TRAF3IP1: variants seen among roughly 807,000 people sequenced by gnomAD.
TRAF3IP1 encodes the protein TRAF3-interacting protein 1.
Under a neutral mutation model 89.9 loss-of-function variants are expected in TRAF3IP1, and 53 were observed. The ratio of observed to expected loss-of-function variants is 0.59; its 90% CI spans 0.47 to 0.74. TRAF3IP1 has a LOEUF of 0.74. Among genes scored for constraint, TRAF3IP1 ranks in the 30% least tolerant of loss-of-function variants. The pLI is 0.00. For missense variants in TRAF3IP1, 806 were observed against 866.1 expected, an observed-to-expected ratio of 0.93 and a Z score of 0.87; for synonymous variants, 311 against 322.1, an observed-to-expected ratio of 0.97 and a Z score of 0.37.
At chr2:238,376,764 T>C (rs565159512) in intron 15 of TRAF3IP1, among the ~76,000 whole-genome samples, 1 of 152,378 alleles carries the variant, frequency 6.6e-6, no homozygotes, top group South Asian at 2.1e-4. Flanking sequence ...ATAGTAATGC[T>C]GTTGACTTAT....
intron 15 of TRAF3IP1, among the ~76,000 whole-genome samples, chr2:238,383,900 T>C (rs1444088424): frequency 6.6e-6 from 1 of 152,244 alleles, no homozygotes; most frequent in African/African-American, 2.4e-5. Flanking sequence ...GTTGTTGATA[T>C]AGGGAGGCTT....
At chr2:238,332,948 ATAG>A in intron 6 of TRAF3IP1, 53 bp downstream of exon 6, 1 of 1,392,558 alleles carries the variant, frequency 7.2e-7, no homozygotes. Flanking sequence ...CTGTGTTGAA[ATAG>A]TGAATGCTGT....
intron 15 of TRAF3IP1, among the ~76,000 whole-genome samples, chr2:238,389,714 C>A (rs1160939072): frequency 6.6e-6 from 1 of 150,950 alleles, no homozygotes; most frequent in Non-Finnish European, 1.5e-5. Context: ...CACCACTGTA[C>A]TCCAGCCTGG....
chr2:238,376,913 G>C (rs1700338994), intron 15 of TRAF3IP1, among the ~76,000 whole-genome samples: 1 of 152,200 alleles, frequency 6.6e-6, no homozygotes, highest in Non-Finnish European at 1.5e-5. Flanking sequence ...ATAGGTCATA[G>C]TGAGACTCGG....
At chr2:238,321,378 C>T (rs921080480) in intron 1 of TRAF3IP1, among the ~76,000 whole-genome samples, 2 of 152,204 alleles carry the variant, frequency 1.3e-5, no homozygotes, top group African/African-American at 4.8e-5. Context: ...TTTATACAAC[C>T]CTTCTGCCCC....
At chr2:238,388,502 T>C (rs1700867574) in intron 15 of TRAF3IP1, among the ~76,000 whole-genome samples, 1 of 152,002 alleles carries the variant, frequency 6.6e-6, no homozygotes, top group Non-Finnish European at 1.5e-5. Flanking sequence ...TATTTCTGGA[T>C]GAACAGGACA....
At chr2:238,375,375 A>T (rs549362753) in intron 15 of TRAF3IP1, among the ~76,000 whole-genome samples, 12 of 152,190 alleles carry the variant, frequency 7.9e-5, no homozygotes, top group African/African-American at 2.9e-4. Context: ...TTCTGCCTTC[A>T]TTTTGTTATG....
At chr2:238,380,936 C>CCA (rs1214451777) in intron 15 of TRAF3IP1, among the ~76,000 whole-genome samples, 3 of 152,114 alleles carry the variant, frequency 2.0e-5, no homozygotes, top group Non-Finnish European at 4.4e-5. Flanking sequence ...GGAATATCTT[C>CCA]CATAGAGACT....
At position 238,344,445 on chromosome 2, in the gene TRAF3IP1, C is replaced by T. The variant is rs536580088; in HGVS notation, c.1160-52C>T. 23 of 1,420,516 alleles carry T rather than the reference C, an allele frequency of 1.6e-5. No homozygotes were observed. In the East Asian group the frequency reaches 2.3e-4, roughly 14 times the overall value. The allele number at this position is 1,420,516 out of a possible 1,614,324, so 88.0% of individuals were successfully genotyped here. ...CTATGTTAATGAAGCCGCTGATCAC[C>T]GGCCCTTTGGTGTACAGTCTTAATG... On this transcript the variant is annotated intron_variant, in intron 8 of 16. Coordinates refer to ENST00000373327, the MANE Select transcript of TRAF3IP1 (RefSeq NM_015650.4).
chr2:238,385,341 C>T (rs929023171), intron 15 of TRAF3IP1, among the ~76,000 whole-genome samples: 1 of 152,170 alleles, frequency 6.6e-6, no homozygotes, highest in African/African-American at 2.4e-5. Flanking sequence ...GTGTTGACTA[C>T]TTACCTTACA....
intron 15 of TRAF3IP1, among the ~76,000 whole-genome samples, chr2:238,372,566 A>G (rs896097354): frequency 1.3e-5 from 2 of 152,196 alleles, no homozygotes; most frequent in South Asian, 2.1e-4. Flanking sequence ...AGTCTTTGCT[A>G]TTGTGAGTAG....
At chr2:238,337,630 G>C (rs1028761761) in intron 7 of TRAF3IP1, among the ~76,000 whole-genome samples, 1 of 152,378 alleles carries the variant, frequency 6.6e-6, no homozygotes. Flanking sequence ...GTTTGGACCA[G>C]AGTGCCAGTG....
Position 238,353,157 on chromosome 2 carries a change from T to C in TRAF3IP1, c.1576-16T>C. 6.2e-7 allele frequency: 1 copy of C among 1,614,102 alleles called. No homozygotes were observed. The highest frequency in any genetic ancestry group is 8.5e-7 in the Non-Finnish European group (1 of 1,179,976). ...CAAGCCTGAATCTTCTTTTTCCCCC[T>C]TCCTTTCCTGCTCAGGTAACAGCAG... On this transcript the variant is annotated splice_polypyrimidine_tract_variant and intron_variant, in intron 13 of 16. Transcript: ENST00000373327.
chr2:238,332,965 C>T (rs1250480750), intron 6 of TRAF3IP1, 70 bp downstream of exon 6: 1 of 1,174,078 alleles, frequency 8.5e-7, no homozygotes, highest in Non-Finnish European at 1.3e-6. Flanking sequence ...ATGCTGTGCG[C>T]TCCCCGGGTC....
intron 15 of TRAF3IP1, among the ~76,000 whole-genome samples, chr2:238,372,113 A>G (rs1193325390): frequency 6.6e-6 from 1 of 152,160 alleles, no homozygotes. Flanking sequence ...TTCATTTAAA[A>G]GTTTTTTTCT....
At chr2:238,357,585 T>G (rs1297665810) in intron 15 of TRAF3IP1, among the ~76,000 whole-genome samples, 3 of 152,198 alleles carry the variant, frequency 2.0e-5, no homozygotes, top group Non-Finnish European at 4.4e-5. Flanking sequence ...GAGAATGTTG[T>G]CGGCGGAGGC....
intron 16 of TRAF3IP1, 67 bp from the exon 17 acceptor site, chr2:238,398,687 C>G (rs1347501742): frequency 2.1e-6 from 3 of 1,404,424 alleles, no homozygotes; most frequent in Non-Finnish European, 2.8e-6. Flanking sequence ...CTTTCAATGT[C>G]TTAATTAAGA....
intron 12 of TRAF3IP1, among the ~76,000 whole-genome samples, chr2:238,352,431 G>A (rs540036100): frequency 1.3e-5 from 2 of 152,290 alleles, no homozygotes; most frequent in South Asian, 4.1e-4. Flanking sequence ...GGCAATAAGC[G>A]CCTCCAGGTA....
intron 5 of TRAF3IP1, among the ~76,000 whole-genome samples, chr2:238,331,428 C>T (rs769102177): frequency 1.3e-4 from 20 of 152,036 alleles, no homozygotes; most frequent in Non-Finnish European, 2.9e-4. Context: ...AGTGAGCTGA[C>T]ATCACGCCAC....
Sources: gnomAD v4.1 joint callset for allele counts (sites outside exome capture counted in the v4.1 genomes callset) on GRCh38, gnomAD v4.1.1 for gene constraint, MANE v1.5 for transcripts, NCBI Gene and HGNC (gene_info 2026-07-23, HGNC 2026-07-21) for gene names.